The following THTPA variants were observed in gnomAD, a reference collection of about 807,000 sequenced individuals.
THTPA encodes the protein thiamine-triphosphatase.
Under a neutral mutation model 16.5 loss-of-function variants are expected in THTPA, and 16 were observed. The ratio of observed to expected loss-of-function variants is 0.97; its 90% CI spans 0.66 to 1.47. The LOEUF is 1.47. Ranked by LOEUF, THTPA falls within the 40% of genes most tolerant of loss-of-function variation. The probability of loss-of-function intolerance (pLI) is 0.00; values close to 1 mark genes in which losing one functional copy is unlikely to be tolerated. For synonymous variants in THTPA, 110 were observed against 115.5 expected (o/e 0.95, Z 0.30); for missense variants, 281 against 280.9 (o/e 1.00, Z 0.00).
chr14:23,516,607 T>A, the THTPA span, among the ~76,000 whole-genome samples: 1 of 152,190 alleles, frequency 6.6e-6, no homozygotes, highest in Non-Finnish European at 1.5e-5. Context: ...GTTAGGAACA[T>A]TGTCAAGAGA....
the THTPA span, chr14:23,521,756 A>G: frequency 2.3e-6 from 2 of 851,600 alleles, no homozygotes; most frequent in East Asian, 2.8e-5. Flanking sequence ...AGGAGGATCA[A>G]TGTGTGTGTC....
chr14:23,523,131 A>C, the THTPA span: 1 of 1,400,306 alleles, frequency 7.1e-7, no homozygotes, highest in Non-Finnish European at 9.2e-7. This position sits in a 1 kb window ranked among gnomAD's most constrained non-coding sequence, Gnocchi z 4.1. Flanking sequence ...AGAATCAGGA[A>C]GGAAAAGGAA....
the THTPA span, chr14:23,526,407 A>G: frequency 6.5e-7 from 1 of 1,536,218 alleles, no homozygotes; most frequent in East Asian, 2.4e-5. Context: ...TCCAGGGCAA[A>G]GTTGGTGGTT....
At chr14:23,529,228 A>G in the THTPA span, among the ~76,000 whole-genome samples, 1 of 152,220 alleles carries the variant, frequency 6.6e-6, no homozygotes, top group Non-Finnish European at 1.5e-5. Context: ...TTTGTGGCAC[A>G]TGCTGTCAGT....
the THTPA span, among the ~76,000 whole-genome samples, chr14:23,518,743 C>A: frequency 2.0e-5 from 3 of 152,148 alleles, no homozygotes; most frequent in African/African-American, 7.2e-5. This position sits in a 1 kb window ranked among gnomAD's most constrained non-coding sequence, Gnocchi z 4.5. Context: ...TGTTATTGTG[C>A]CAAATGCTTG....
the THTPA span, among the ~76,000 whole-genome samples, chr14:23,538,704 C>T: frequency 6.6e-6 from 1 of 152,148 alleles, no homozygotes; most frequent in African/African-American, 2.4e-5. Context: ...CCTGACATTG[C>T]TTCCTCTGAA....
rs779020598 is a variant in THTPA at position 23,558,883 on chromosome 14, G to A, written c.*43G>A. On this transcript the variant is annotated 3_prime_UTR_variant, in exon 2 of 2. Coordinates refer to ENST00000288014, the MANE Select transcript of THTPA (RefSeq NM_024328.6). ...AGGGGAAGGGAACTCTGGGTCTAAC[G>A]GAGTCCACTCCTGGGCCCACTGTGC... 27 of 1,610,468 alleles carry A rather than the reference G, an allele frequency of 1.7e-5. No individual in the cohort carries two copies. The highest frequency in any genetic ancestry group is 4.4e-5 in the South Asian group (4 of 90,884).
the THTPA span, chr14:23,522,576 C>G: frequency 6.6e-7 from 1 of 1,526,668 alleles, no homozygotes; most frequent in Non-Finnish European, 8.8e-7. Flanking sequence ...TGGAAGTAGG[C>G]CCCCTGTAGC....
Position 23,559,764 on chromosome 14 carries a change from C to T in THTPA, c.*924C>T, listed in dbSNP as rs141400350. The T allele has an allele frequency of 1.3e-4, 210 of 1,613,980 alleles. No individual in the cohort carries two copies. The African/African-American group carries it at 2.6e-3, about 20-fold the overall frequency. On this transcript the variant is annotated 3_prime_UTR_variant, in exon 2 of 2. Transcript: ENST00000288014. ...GTGGAGACAGTTACTGCCACGATTC[C>T]ACAGGCAAGTTGTTCACCTCAAAGA... is the stretch of plus-strand genomic sequence containing the variant.
the THTPA span, chr14:23,528,589 A>G: frequency 1.0e-6 from 1 of 983,738 alleles, no homozygotes; most frequent in Non-Finnish European, 1.2e-6. Flanking sequence ...GTCCCTGCCC[A>G]CTCTGCCTCT....
chr14:23,526,778 T>C, the THTPA span: 3 of 1,527,888 alleles, frequency 2.0e-6, no homozygotes, highest in Non-Finnish European at 2.6e-6. Context: ...CTCAGTCATC[T>C]TCAGACCTTG....
At chr14:23,534,051 G>A in the THTPA span, 2 of 1,532,744 alleles carry the variant, frequency 1.3e-6, no homozygotes, top group South Asian at 2.4e-5. The surrounding 1 kb of genome is among the most constrained non-coding windows in gnomAD (Gnocchi z 4.5). Flanking sequence ...GGGCTGGGGT[G>A]TAGTCATCAG....
At chr14:23,535,023 T>C in the THTPA span, 7 of 1,536,160 alleles carry the variant, frequency 4.6e-6, no homozygotes, top group South Asian at 5.9e-5. This position sits in a 1 kb window ranked among gnomAD's most constrained non-coding sequence, Gnocchi z 4.5. Flanking sequence ...GCCCTTCTTC[T>C]TCCTCCTCCT....
At chr14:23,535,350 T>C in the THTPA span, 5 of 1,441,320 alleles carry the variant, frequency 3.5e-6, no homozygotes, top group Non-Finnish European at 4.5e-6. This position sits in a 1 kb window ranked among gnomAD's most constrained non-coding sequence, Gnocchi z 4.5. Flanking sequence ...TGCTGGGGGC[T>C]CATGTCAGCG....
At chr14:23,534,854 G>A in the THTPA span, 7 of 1,536,148 alleles carry the variant, frequency 4.6e-6, no homozygotes, top group Admixed American at 2.0e-5. The surrounding 1 kb of genome is among the most constrained non-coding windows in gnomAD (Gnocchi z 4.5). Flanking sequence ...GGGTAGGCAA[G>A]GAAGGGCAGA....
chr14:23,545,961 G>A, the THTPA span, among the ~76,000 whole-genome samples: 3 of 152,220 alleles, frequency 2.0e-5, no homozygotes, highest in Admixed American at 6.5e-5. Flanking sequence ...CCTTCACTGA[G>A]AAGCCAAATG....
chr14:23,519,439 C>T, the THTPA span, among the ~76,000 whole-genome samples: 1 of 152,156 alleles, frequency 6.6e-6, no homozygotes, highest in East Asian at 1.9e-4. Context: ...TATAGAATTT[C>T]AACAGGAGAG....
At chr14:23,524,535 G>GT in the THTPA span, 1 of 1,525,350 alleles carries the variant, frequency 6.6e-7, no homozygotes, top group Non-Finnish European at 8.8e-7. The surrounding 1 kb of genome is among the most constrained non-coding windows in gnomAD (Gnocchi z 5.6). Flanking sequence ...TCTAGGAGTT[G>GT]GGGGGGAGCA....
the THTPA span, chr14:23,534,700 C>T: frequency 9.8e-6 from 15 of 1,536,068 alleles, no homozygotes; most frequent in Non-Finnish European, 1.3e-5. The surrounding 1 kb of genome is among the most constrained non-coding windows in gnomAD (Gnocchi z 4.5). Flanking sequence ...CAGCTGGTAG[C>T]TCCAGAAAGC....
Sources: gnomAD v4.1 joint callset for allele counts (sites outside exome capture counted in the v4.1 genomes callset) on GRCh38, gnomAD v4.1.1 for gene constraint, Gnocchi (gnomAD v3.1) non-coding constraint, MANE v1.5 for transcripts, NCBI Gene and HGNC (gene_info 2026-07-23, HGNC 2026-07-21) for gene names.